ALG14: variants seen among roughly 807,000 people sequenced by gnomAD.
The protein encoded by ALG14 is ALG14 UDP-N-acetylglucosaminyltransferase subunit.
A neutral mutation model predicts 22.8 loss-of-function variants in ALG14; 17 were observed. The observed-to-expected ratio is 0.75, with a 90% CI of 0.51 to 1.12. The LOEUF is 1.12. Ranked by LOEUF, ALG14 falls within the 50% of genes most tolerant of loss-of-function variation. ALG14 has a pLI of 0.00. For synonymous variants in ALG14, 89 were observed against 103.7 expected (o/e 0.86, Z 0.86); for missense variants, 288 against 271.8 (o/e 1.06, Z -0.42).
chr1:95,058,329 G>A (rs1296886683), intron 2 of ALG14, among the ~76,000 whole-genome samples: 1 of 132,144 alleles, frequency 7.6e-6, no homozygotes, highest in Non-Finnish European at 1.6e-5. Context: ...TTTCAGAGAT[G>A]ATAGCCGGGC....
At chr1:95,055,284 A>G (rs1674886463) in intron 2 of ALG14, among the ~76,000 whole-genome samples, 1 of 152,254 alleles carries the variant, frequency 6.6e-6, no homozygotes, top group Admixed American at 6.5e-5. Flanking sequence ...ATCTTCACAG[A>G]TAACAAAGAT....
intron 2 of ALG14, among the ~76,000 whole-genome samples, chr1:95,043,925 C>T (rs1294318785): frequency 3.3e-5 from 5 of 152,016 alleles, no homozygotes; most frequent in Admixed American, 2.6e-4. Flanking sequence ...GTTTAGGAAA[C>T]GGTTTTGAAT....
intron 2 of ALG14, among the ~76,000 whole-genome samples, chr1:95,051,544 A>G (rs773393934): frequency 5.9e-5 from 9 of 152,060 alleles, no homozygotes; most frequent in Admixed American, 5.9e-4. Context: ...AAGCCTCCCA[A>G]TGGCTCCCCA....
intron 3 of ALG14, among the ~76,000 whole-genome samples, chr1:94,999,060 C>A (rs924647733): frequency 2.0e-5 from 3 of 151,984 alleles, no homozygotes; most frequent in Admixed American, 2.0e-4. Flanking sequence ...TATATAATAC[C>A]TGTACAAATA....
At position 94,983,223 on chromosome 1, in the gene ALG14, G is replaced by T; in HGVS notation, c.504C>A (p.Ile168=). 1 of 1,614,116 alleles carries T rather than the reference G, an allele frequency of 6.2e-7. No individual in the cohort carries two copies. The highest frequency in any genetic ancestry group is 1.1e-5 in the South Asian group (1 of 91,074). ...GGCAGATGCTTTCAACGTAGACAATGATCACTTTCTTTATTCCTAGTATCC... is the reference window on the plus strand; with the variant it reads ...GGCAGATGCTTTCAACGTAGACAATTATCACTTTCTTTATTCCTAGTATCC... ...LLGILGIKKV[I]IVYVESICRV... is the part of the protein sequence containing the mutation. The change falls in exon 4 of 4, where the codon ATC becomes ATA. Residue 168 remains isoleucine (I), a synonymous_variant. Transcript: ENST00000370205.
intron 2 of ALG14, among the ~76,000 whole-genome samples, chr1:95,051,146 T>C (rs1226645693): frequency 1.3e-5 from 2 of 152,138 alleles, no homozygotes; most frequent in African/African-American, 2.4e-5. Flanking sequence ...GACTCATAGA[T>C]CCCATTGTAT....
intron 1 of ALG14, among the ~76,000 whole-genome samples, chr1:95,070,802 C>G (rs1407935172): frequency 6.6e-6 from 1 of 152,214 alleles, no homozygotes; most frequent in Admixed American, 6.5e-5. Flanking sequence ...GTGGCACAAT[C>G]TCAGCTCACT....
At chr1:95,052,781 C>T (rs1038830109) in intron 2 of ALG14, among the ~76,000 whole-genome samples, 7 of 150,912 alleles carry the variant, frequency 4.6e-5, no homozygotes, top group African/African-American at 7.3e-5. Flanking sequence ...CAGCTGAACC[C>T]GGGAGACACA....
At chr1:95,035,189 G>GT (rs995215936) in intron 2 of ALG14, among the ~76,000 whole-genome samples, 3 of 151,464 alleles carry the variant, frequency 2.0e-5, no homozygotes, top group Non-Finnish European at 4.4e-5. Flanking sequence ...GTTTTGTTTT[G>GT]TTTTGTTTTC....
At chr1:95,027,412 A>C in intron 2 of ALG14, 152 bp from the exon 3 acceptor site, 267 of 929,702 alleles carry the variant, frequency 2.9e-4, no homozygotes, top group Middle Eastern at 6.8e-4. Flanking sequence ...TGCCTATCTC[A>C]TGCTTTATAT....
intron 3 of ALG14, among the ~76,000 whole-genome samples, chr1:95,008,729 A>C (rs1431639372): frequency 6.6e-6 from 1 of 152,090 alleles, no homozygotes; most frequent in Non-Finnish European, 1.5e-5. Flanking sequence ...AGTGATGGTA[A>C]GCACATTTAC....
chr1:94,996,122 T>G (rs888087320), intron 3 of ALG14, among the ~76,000 whole-genome samples: 12 of 152,356 alleles, frequency 7.9e-5, no homozygotes, highest in Admixed American at 3.3e-4. Context: ...GAGGAGTGAC[T>G]CTATGCTAGT....
At chr1:95,059,261 G>C (rs1267422034) in intron 2 of ALG14, among the ~76,000 whole-genome samples, 1 of 151,606 alleles carries the variant, frequency 6.6e-6, no homozygotes, top group Non-Finnish European at 1.5e-5. Flanking sequence ...GTTGGGCGTG[G>C]TGGCGGGCAC....
intron 2 of ALG14, among the ~76,000 whole-genome samples, chr1:95,054,489 C>G (rs1443222726): frequency 6.6e-6 from 1 of 152,096 alleles, no homozygotes; most frequent in Non-Finnish European, 1.5e-5. Flanking sequence ...AACTGTGAGC[C>G]AATTAAACCT....
intron 2 of ALG14, among the ~76,000 whole-genome samples, chr1:95,038,531 A>G (rs1176334187): frequency 6.6e-6 from 1 of 151,612 alleles, no homozygotes; most frequent in Non-Finnish European, 1.5e-5. Flanking sequence ...CAAAAAACAA[A>G]TTAGCCAGGT....
chr1:95,066,345 T>G (rs1675366905), intron 1 of ALG14, among the ~76,000 whole-genome samples: 1 of 151,970 alleles, frequency 6.6e-6, no homozygotes, highest in Admixed American at 6.6e-5. Flanking sequence ...TGCCTCAGCC[T>G]CCCGAGTAGC....
chr1:94,987,966 C>A (rs886903851), intron 3 of ALG14, among the ~76,000 whole-genome samples: 2 of 152,182 alleles, frequency 1.3e-5, no homozygotes, highest in African/African-American at 4.8e-5. Flanking sequence ...TAGCCTCTTG[C>A]TGATGGAGGT....
At chr1:95,033,371 G>T (rs1674073651) in intron 2 of ALG14, among the ~76,000 whole-genome samples, 1 of 149,814 alleles carries the variant, frequency 6.7e-6, no homozygotes, top group African/African-American at 2.5e-5. Context: ...TCCTACGGGG[G>T]CTGAGAAATA....
intron 2 of ALG14, among the ~76,000 whole-genome samples, chr1:95,033,747 C>T (rs536028115): frequency 1.3e-5 from 2 of 152,198 alleles, no homozygotes; most frequent in South Asian, 4.1e-4. Context: ...CCACTTATTC[C>T]ACATGTCTCG....
Sources: allele counts gnomAD v4.1 joint callset (sites outside exome capture counted in the v4.1 genomes callset), GRCh38; gene constraint gnomAD v4.1.1; transcripts MANE v1.5; gene names NCBI Gene and HGNC (gene_info 2026-07-23, HGNC 2026-07-21).